Variants in KSR2 observed in about 807,000 individuals in gnomAD.
The protein encoded by KSR2 is kinase suppressor of ras 2.
KSR2 carries 25 observed loss-of-function variants against 107.8 expected under a neutral mutation model. That is an observed-to-expected ratio of 0.23 (90% CI 0.17 to 0.32). KSR2 has a LOEUF of 0.32. Ranked by LOEUF, KSR2 falls within the 10% of genes least tolerant of loss-of-function variation. The probability of loss-of-function intolerance (pLI) is 1.00; values close to 1 mark genes in which losing one functional copy is unlikely to be tolerated. For synonymous variants in KSR2, 480 were observed against 507.0 expected (o/e 0.95, Z 0.71); for missense variants, 887 against 1,268.9 (o/e 0.70, Z 4.57).
intron 4 of KSR2, among the ~76,000 whole-genome samples, chr12:117,734,097 A>T (rs1037647145): frequency 4.6e-5 from 7 of 152,134 alleles, no homozygotes; most frequent in African/African-American, 7.2e-5. Context: ...CCTGGCCAAC[A>T]TGGTGAAACC....
At position 117,795,891 on chromosome 12, in the gene KSR2, ATGAGCC is replaced by A. The variant is rs563059483; in HGVS notation, c.473-34373_473-34368del. Among the ~76,000 whole-genome samples, 124 of 152,214 alleles carry A rather than the reference ATGAGCC, an allele frequency of 8.1e-4. 1 individual carries two copies. Among genetic ancestry groups the A allele is most frequent in the Non-Finnish European group, 1.2e-3 (80 of 68,016 alleles). ...CTCCCAAAGCGCCAGGACTACAGAC[ATGAGCC>A]GCCACATCTGGCCAAAGCCTGTGTT... On this transcript the variant is annotated intron_variant, in intron 3 of 19. Transcript: ENST00000339824.
chr12:117,911,701 A>G (rs963504358), intron 1 of KSR2, among the ~76,000 whole-genome samples: 1 of 152,146 alleles, frequency 6.6e-6, no homozygotes, highest in Non-Finnish European at 1.5e-5. Context: ...CAAGACCCAT[A>G]TCTCTTCCCA....
chr12:117,727,028 A>G (rs1887457236), intron 4 of KSR2, among the ~76,000 whole-genome samples: 1 of 152,112 alleles, frequency 6.6e-6, no homozygotes, highest in Admixed American at 6.5e-5. Flanking sequence ...AGATATAATC[A>G]AGTTAAGGTC....
At chr12:117,791,603 C>G (rs896398784) in intron 3 of KSR2, among the ~76,000 whole-genome samples, 1 of 152,168 alleles carries the variant, frequency 6.6e-6, no homozygotes, top group Non-Finnish European at 1.5e-5. Flanking sequence ...GAGGGGTTTT[C>G]AGCCAAGGAG....
At chr12:117,620,679 T>C (rs369633253) in intron 5 of KSR2, among the ~76,000 whole-genome samples, 1 of 152,212 alleles carries the variant, frequency 6.6e-6, no homozygotes. Context: ...ACTGGAAGAG[T>C]GAACTCATTC....
chr12:117,533,603 A>G (rs73403402), intron 10 of KSR2, among the ~76,000 whole-genome samples: 4,711 of 152,274 alleles, frequency 0.031, 246 homozygotes, highest in African/African-American at 0.11. Context: ...GAAGTTTTTT[A>G]TTACATACAA....
intron 3 of KSR2, among the ~76,000 whole-genome samples, chr12:117,825,223 A>G (rs1270635701): frequency 6.6e-6 from 1 of 152,176 alleles, no homozygotes; most frequent in Non-Finnish European, 1.5e-5. Context: ...TAGGTTGTCA[A>G]TGGATGATTG....
At chr12:117,876,204 CCTGGCG>C (rs1457317097) in intron 1 of KSR2, among the ~76,000 whole-genome samples, 1 of 152,228 alleles carries the variant, frequency 6.6e-6, no homozygotes, top group Non-Finnish European at 1.5e-5. Flanking sequence ...TCATAACATC[CCTGGCG>C]CTTGGCGGCC....
chr12:117,506,209 G>A (rs1454569095), intron 14 of KSR2, among the ~76,000 whole-genome samples: 1 of 152,104 alleles, frequency 6.6e-6, no homozygotes, highest in African/African-American at 2.4e-5. Flanking sequence ...CACCAGTATT[G>A]GGCCCAACGA....
At chr12:117,938,992 T>C (rs1895925080) in intron 1 of KSR2, among the ~76,000 whole-genome samples, 1 of 145,672 alleles carries the variant, frequency 6.9e-6, no homozygotes, top group Non-Finnish European at 1.5e-5. Flanking sequence ...CCATCTGGGG[T>C]CAAAAAAAAA....
At chr12:117,936,326 C>G (rs1471371887) in intron 1 of KSR2, among the ~76,000 whole-genome samples, 7 of 151,764 alleles carry the variant, frequency 4.6e-5, no homozygotes, top group Non-Finnish European at 1.5e-5. Context: ...CCACACCAGG[C>G]CTAAATTATT....
At chr12:117,751,679 A>G (rs1426918448) in intron 4 of KSR2, among the ~76,000 whole-genome samples, 2 of 152,324 alleles carry the variant, frequency 1.3e-5, no homozygotes, top group Admixed American at 6.5e-5. Flanking sequence ...CTATTGTCCC[A>G]TAAGACAGGA....
rs139680886 is a variant in KSR2, at chr12:117,488,237, G to A, written c.2220-2546C>T. 3.1e-3 allele frequency among the ~76,000 whole-genome samples: 466 copies of A among 152,254 alleles called. 2 individuals carry two copies. The highest frequency in any genetic ancestry group is 0.011 in the African/African-American group (438 of 41,526). ...TTCCTTTATAAATTACCCAGTCTCC[G>A]GTAGGTCTTTATTAGCAGCGTGAAA... On this transcript the variant is annotated intron_variant, in intron 14 of 19. Transcript: ENST00000339824.
chr12:117,812,257 T>C (rs1891214343), intron 3 of KSR2, among the ~76,000 whole-genome samples: 1 of 152,154 alleles, frequency 6.6e-6, no homozygotes, highest in South Asian at 2.1e-4. Context: ...TAACACAAAA[T>C]AAAAGAACTT....
At chr12:117,617,786 C>A (rs546994063) in intron 5 of KSR2, among the ~76,000 whole-genome samples, 2 of 152,198 alleles carry the variant, frequency 1.3e-5, no homozygotes, top group African/African-American at 2.4e-5. Context: ...CGTGTATGCA[C>A]GTGCCAAAAC....
intron 1 of KSR2, among the ~76,000 whole-genome samples, chr12:117,916,384 G>A (rs919777332): frequency 2.0e-5 from 3 of 151,944 alleles, no homozygotes; most frequent in Non-Finnish European, 2.9e-5. Context: ...TGATCCGCCC[G>A]CCTCATCCTC....
At chr12:117,614,032 G>C (rs1881743092) in intron 5 of KSR2, among the ~76,000 whole-genome samples, 1 of 152,144 alleles carries the variant, frequency 6.6e-6, no homozygotes, top group African/African-American at 2.4e-5. Context: ...CAGCAAAATA[G>C]GGTAGCAAAT....
At chr12:117,868,225 C>G (rs934267936) in intron 1 of KSR2, among the ~76,000 whole-genome samples, 1 of 151,994 alleles carries the variant, frequency 6.6e-6, no homozygotes, top group East Asian at 1.9e-4. Context: ...GTCAGGAGTT[C>G]GAGACTATTC....
chr12:117,921,941 G>A (rs1023939162), intron 1 of KSR2, among the ~76,000 whole-genome samples: 8 of 152,158 alleles, frequency 5.3e-5, no homozygotes, highest in Non-Finnish European at 1.0e-4. Flanking sequence ...TCCCTGAAGA[G>A]TTTAGCAAAT....
Sources: gnomAD v4.1 joint callset for allele counts (sites outside exome capture counted in the v4.1 genomes callset) on GRCh38, gnomAD v4.1.1 for gene constraint, MANE v1.5 for transcripts, NCBI Gene and HGNC (gene_info 2026-07-23, HGNC 2026-07-21) for gene names.